ITGB5: variants seen among roughly 807,000 people sequenced by gnomAD.
ITGB5 encodes integrin beta-5.
ITGB5 carries 38 observed loss-of-function variants against 84.8 expected under a neutral mutation model. The ratio of observed to expected loss-of-function variants is 0.45; its 90% CI spans 0.35 to 0.59. ITGB5 has a LOEUF of 0.59. Ranked by LOEUF, ITGB5 falls within the 20% of genes least tolerant of loss-of-function variation. The probability of loss-of-function intolerance (pLI) is 0.01; values close to 1 mark genes in which losing one functional copy is unlikely to be tolerated. For missense variants in ITGB5, 905 were observed against 1,034.5 expected, an observed-to-expected ratio of 0.87 and a Z score of 1.72; for synonymous variants, 393 against 414.4, an observed-to-expected ratio of 0.95 and a Z score of 0.63.
chr3:124,833,672 A>G (rs981289117), intron 5 of ITGB5, among the ~76,000 whole-genome samples: 1 of 152,212 alleles, frequency 6.6e-6, no homozygotes, highest in African/African-American at 2.4e-5. Context: ...GGATGGGACA[A>G]GCTTGGGGCC....
intron 2 of ITGB5, among the ~76,000 whole-genome samples, chr3:124,865,970 T>C (rs2065383241): frequency 6.6e-6 from 1 of 152,142 alleles, no homozygotes; most frequent in Non-Finnish European, 1.5e-5. Flanking sequence ...CTTATTATAA[T>C]ATGTTAACAC....
chr3:124,824,694 A>C (rs1197538315), intron 5 of ITGB5, among the ~76,000 whole-genome samples: 1 of 152,192 alleles, frequency 6.6e-6, no homozygotes, highest in Non-Finnish European at 1.5e-5. Flanking sequence ...CTAAGAAAAA[A>C]CCCAAACAAC....
Position 124,769,014 on chromosome 3 carries a change from G to A in ITGB5, c.2016C>T (p.Ile672=), listed in dbSNP as rs769538974. 5.6e-6 allele frequency: 9 copies of A among 1,610,878 alleles called. No individual in the cohort carries two copies. The African/African-American group carries it at 6.7e-5, about 12-fold the overall frequency. Residue 672 remains isoleucine (I), a splice_region_variant and synonymous_variant, in exon 12 of 15, where the codon ATC becomes ATT. Coordinates refer to ENST00000296181, the MANE Select transcript of ITGB5 (RefSeq NM_002213.5). ...RDEVITWVDT[I]VKDDQEAVLC... is the part of the protein sequence containing the mutation. ...CCCGGGTGGTGGCAGCACACTCACC[G>A]ATGGTGTCCACCCATGTGATCACCT...
intron 11 of ITGB5, among the ~76,000 whole-genome samples, chr3:124,773,356 T>A (rs1280806194): frequency 6.6e-6 from 1 of 152,232 alleles, no homozygotes; most frequent in Non-Finnish European, 1.5e-5. Flanking sequence ...AATAGTACAC[T>A]CAAGGCTCTG....
At chr3:124,865,964 TTATAA>T (rs899106008) in intron 2 of ITGB5, among the ~76,000 whole-genome samples, 1 of 152,158 alleles carries the variant, frequency 6.6e-6, no homozygotes, top group African/African-American at 2.4e-5. Flanking sequence ...CTGCTACTTA[TTATAA>T]TATGTTAACA....
chr3:124,783,305 A>AAT, intron 10 of ITGB5, among the ~76,000 whole-genome samples: 1 of 151,130 alleles, frequency 6.6e-6, no homozygotes, highest in East Asian at 1.9e-4. Context: ...AAAAAAAAAA[A>AAT]AAAAAAAAGA....
intron 1 of ITGB5, among the ~76,000 whole-genome samples, chr3:124,886,088 G>T (rs1934791417): frequency 6.6e-6 from 1 of 152,194 alleles, no homozygotes; most frequent in Non-Finnish European, 1.5e-5. Context: ...ACTCTGAAAA[G>T]TTAGAGCAGG....
intron 5 of ITGB5, among the ~76,000 whole-genome samples, chr3:124,831,955 T>G (rs2107579460): frequency 6.6e-6 from 1 of 152,292 alleles, no homozygotes; most frequent in South Asian, 2.1e-4. Flanking sequence ...GAGTTTCCAT[T>G]TTACAGACAG....
chr3:124,827,253 GC>G (rs1378612422), intron 5 of ITGB5, among the ~76,000 whole-genome samples: 1 of 152,152 alleles, frequency 6.6e-6, no homozygotes, highest in Non-Finnish European at 1.5e-5. Flanking sequence ...CACCTCCTCA[GC>G]CTCAGTTCTT....
intron 1 of ITGB5, among the ~76,000 whole-genome samples, chr3:124,878,049 G>C (rs1412163324): frequency 2.6e-5 from 4 of 152,156 alleles, no homozygotes; most frequent in Non-Finnish European, 1.5e-5. Flanking sequence ...CAGCATGTTG[G>C]ACAGGCTGGT....
intron 9 of ITGB5, among the ~76,000 whole-genome samples, chr3:124,799,809 C>A (rs545859102): frequency 5.9e-5 from 9 of 152,068 alleles, no homozygotes; most frequent in African/African-American, 1.9e-4. Context: ...ACCTCCTAGA[C>A]GGGGGAATGA....
intron 8 of ITGB5, among the ~76,000 whole-genome samples, chr3:124,811,471 T>C (rs1287237505): frequency 1.3e-5 from 2 of 152,150 alleles, no homozygotes; most frequent in Non-Finnish European, 2.9e-5. Context: ...AAAAAATTAC[T>C]TGGGAACGAT....
intron 3 of ITGB5, among the ~76,000 whole-genome samples, chr3:124,849,260 G>A (rs1013574570): frequency 6.6e-5 from 10 of 152,176 alleles, no homozygotes; most frequent in Non-Finnish European, 1.2e-4. Context: ...ACCCAGTCAC[G>A]ATGGGAATGT....
chr3:124,889,319 C>T (rs1358439209), upstream of ITGB5, among the ~76,000 whole-genome samples: 1 of 152,194 alleles, frequency 6.6e-6, no homozygotes, highest in Non-Finnish European at 1.5e-5. Flanking sequence ...AAGAATGCAA[C>T]CTTTTGTCTC....
rs372728306 is a variant in ITGB5, at chr3:124,773,842, C to G, written c.1764G>C (p.Ser588=). The change falls in exon 11 of 15, where the codon TCG becomes TCC. Residue 588 remains serine (S), a synonymous_variant. Coordinates refer to ENST00000296181, the MANE Select transcript of ITGB5 (RefSeq NM_002213.5). The part of the protein sequence containing the change: ...AGYIGDNCNC[S]TDISTCRGRD... ...TGCCCCGGCATGTGCTGATGTCTGTCGAGCAGTTACAGTTGTCCCCGATGT... is the reference window on the plus strand; with the variant it reads ...TGCCCCGGCATGTGCTGATGTCTGTGGAGCAGTTACAGTTGTCCCCGATGT... The G allele has an allele frequency of 3.1e-6, 5 of 1,614,174 alleles. No homozygotes were observed.
chr3:124,823,367 C>T (rs1028280616), intron 5 of ITGB5, among the ~76,000 whole-genome samples: 4 of 151,910 alleles, frequency 2.6e-5, no homozygotes, highest in African/African-American at 9.7e-5. Context: ...AGTGGGCATT[C>T]TAGGCGCTAA....
intron 5 of ITGB5, among the ~76,000 whole-genome samples, chr3:124,829,858 G>A (rs967624645): frequency 3.9e-5 from 6 of 152,008 alleles, no homozygotes; most frequent in African/African-American, 9.7e-5. Flanking sequence ...CTCATCACTC[G>A]CCTCTCTCTT....
chr3:124,820,424 C>A (rs1287269210), intron 6 of ITGB5, among the ~76,000 whole-genome samples: 1 of 152,166 alleles, frequency 6.6e-6, no homozygotes, highest in African/African-American at 2.4e-5. Flanking sequence ...AGCTAAGAGG[C>A]AGTTTAACAG....
intron 1 of ITGB5, among the ~76,000 whole-genome samples, chr3:124,874,727 C>A (rs1194919466): frequency 6.6e-6 from 1 of 152,178 alleles, no homozygotes; most frequent in Non-Finnish European, 1.5e-5. Flanking sequence ...TGATCTTCAA[C>A]AAAGTTGTCA....
Sources: gnomAD v4.1 joint callset for allele counts (sites outside exome capture counted in the v4.1 genomes callset) on GRCh38, gnomAD v4.1.1 for gene constraint, MANE v1.5 for transcripts, NCBI Gene and HGNC (gene_info 2026-07-23, HGNC 2026-07-21) for gene names.